The following ZNF540 variants were observed in gnomAD, a reference collection of about 807,000 sequenced individuals.
ZNF540 encodes CTD-3064H18.6.
A neutral mutation model predicts 11.8 loss-of-function variants in ZNF540; 3 were observed. The ratio of observed to expected loss-of-function variants is 0.25; its 90% CI spans 0.12 to 0.65. The LOEUF (loss-of-function observed/expected upper bound fraction) is 0.65, where lower values mean the gene tolerates loss of function less well. Among genes scored for constraint, ZNF540 ranks in the 30% least tolerant of loss-of-function variants. The pLI, the probability that ZNF540 is intolerant of heterozygous loss-of-function variation, is 0.83. For missense variants in ZNF540, 709 were observed against 793.1 expected (o/e 0.89, Z 1.27); for synonymous variants, 247 against 259.0 (o/e 0.95, Z 0.45).
chr19:37,551,582 A>G (rs192629467), exon 1 of ZNF540: 1 of 152,416 alleles, frequency 6.6e-6, no homozygotes, highest in Non-Finnish European at 1.5e-5. Context: ...CGTGATCCCT[A>G]TCGGATCTCC....
At chr19:37,588,336 G>A (rs557014059) in intron 1 of ZNF540, among the ~76,000 whole-genome samples, 1 of 152,060 alleles carries the variant, frequency 6.6e-6, no homozygotes, top group Admixed American at 6.6e-5. Flanking sequence ...AGAGAACAGA[G>A]ATTTCAAAAT....
At chr19:37,564,547 G>A (rs781452245) in intron 1 of ZNF540, 1 of 1,433,558 alleles carries the variant, frequency 7.0e-7, no homozygotes, top group Non-Finnish European at 9.2e-7. Context: ...ATTCATTATA[G>A]ATATGAAATA....
intron 1 of ZNF540, chr19:37,564,747 T>C (rs1164830069): frequency 9.9e-6 from 16 of 1,613,622 alleles, no homozygotes; most frequent in Non-Finnish European, 1.4e-5. Flanking sequence ...CCACATTCCT[T>C]ACATTCATAG....
chr19:37,613,852 T>C lies in ZNF540; in HGVS notation c.*589T>C, dbSNP rs2044151638. 2.5e-6 allele frequency: 1 copy of C among 398,450 alleles called. No homozygotes were observed. The highest frequency in any genetic ancestry group is 4.4e-5 in the Admixed American group (1 of 22,702). 24.7% of individuals were successfully genotyped at this position (398,450 alleles called of 1,614,324 possible). A position where few individuals can be genotyped will look rare whatever the true frequency, so the allele number is the denominator to read the frequency against. ...AAACACGAATCCCAAGGTGATGGTA[T>C]TTGAAGGTAGGGCCTTTAGGAGGAA... On this transcript the variant is annotated 3_prime_UTR_variant, in exon 5 of 5. Transcript: ENST00000316433.
At chr19:37,584,050 T>C in intron 1 of ZNF540, 1 of 1,614,124 alleles carries the variant, frequency 6.2e-7, no homozygotes. Flanking sequence ...GGCATTCCCA[T>C]TCCTCCTGAG....
intron 1 of ZNF540, among the ~76,000 whole-genome samples, chr19:37,589,516 G>A (rs924571987): frequency 1.3e-5 from 2 of 151,948 alleles, no homozygotes; most frequent in African/African-American, 2.4e-5. Flanking sequence ...CATTCAACAT[G>A]TAAAATGCTC....
At chr19:37,604,041 AGATAACTTTT>A (rs2044061640) in intron 4 of ZNF540, among the ~76,000 whole-genome samples, 1 of 86,532 alleles carries the variant, frequency 1.2e-5, no homozygotes, top group Non-Finnish European at 2.2e-5. Flanking sequence ...AAAAAGGATA[AGATAACTTTT>A]CTTTTTGCTC....
At position 37,565,193 on chromosome 19, in the gene ZNF540, A is replaced by G. The variant is rs1358390548; in HGVS notation, c.-73+13528A>G. On this transcript the variant is annotated intron_variant, in intron 1 of 4. Transcript: ENST00000592533. ...TTTGTAGGGCTTCTCTCCGGTATGA[A>G]TTCTTTGATGTTGAATAAGATTAGA... is the stretch of plus-strand genomic sequence containing the variant. The G allele has an allele frequency of 3.7e-6, 6 of 1,613,400 alleles. No homozygotes were observed. The African/African-American group carries it at 6.7e-5, about 18-fold the overall frequency.
At chr19:37,558,542 G>A (rs1052693838) in intron 1 of ZNF540, among the ~76,000 whole-genome samples, 2 of 152,064 alleles carry the variant, frequency 1.3e-5, no homozygotes, top group Admixed American at 6.6e-5. Context: ...TAATACCTGC[G>A]AGGAGATACC....
intron 1 of ZNF540, among the ~76,000 whole-genome samples, chr19:37,552,314 TC>T (rs1314288898): frequency 1.3e-5 from 2 of 152,234 alleles, no homozygotes; most frequent in Non-Finnish European, 2.9e-5. Flanking sequence ...TTGCTAAAGT[TC>T]TTTGTATAAG....
intron 1 of ZNF540, among the ~76,000 whole-genome samples, chr19:37,553,658 T>C (rs1015619115): frequency 1.3e-4 from 20 of 152,216 alleles, no homozygotes; most frequent in Non-Finnish European, 2.5e-4. Context: ...GAGTGCTTTT[T>C]TTCCTAGAGG....
At chr19:37,586,649 G>GA in intron 1 of ZNF540, 2 of 1,613,848 alleles carry the variant, frequency 1.2e-6, no homozygotes, top group Non-Finnish European at 1.7e-6. Context: ...CTTCAAGAAG[G>GA]AAAGAAACAG....
Position 37,557,718 on chromosome 19 carries a change from A to G in ZNF540, c.-73+6053A>G, listed in dbSNP as rs569153617. On this transcript the variant is annotated intron_variant, in intron 1 of 4. Transcript: ENST00000592533. ...GATTTAAACACCGTGTGGAAGAGAAAGTCAGTTTACTGATCTAACAGTAAA... is the reference window on the plus strand; with the variant it reads ...GATTTAAACACCGTGTGGAAGAGAAGGTCAGTTTACTGATCTAACAGTAAA... Among the ~76,000 whole-genome samples, 75 of 152,330 alleles carry G rather than the reference A, an allele frequency of 4.9e-4. 2 individuals carry two copies. In the South Asian group the frequency reaches 0.011, roughly 22 times the overall value.
rs1483158753 is a variant in ZNF540 at position 37,612,624 on chromosome 19, T to C, written c.1344T>C (p.Phe448=). Residue 448 remains phenylalanine (F), a synonymous_variant, in exon 5 of 5, where the codon TTT becomes TTC. Coordinates refer to ENST00000316433, the MANE Select transcript of ZNF540 (RefSeq NM_001172225.3). ...PYECKECGKA[F]MLRSVLTEHQ... The stretch of plus-strand genomic sequence containing the variant: ...AATGTAAGGAATGCGGGAAAGCCTT[T>C]ATGCTTCGTTCAGTCCTTACTGAAC... 2 of 1,614,124 alleles carry C rather than the reference T, an allele frequency of 1.2e-6. No individual in the cohort carries two copies. The highest frequency in any genetic ancestry group is 2.2e-5 in the East Asian group (1 of 44,880).
At chr19:37,592,746 A>C (rs2043903627), upstream of ZNF540, among the ~76,000 whole-genome samples, 1 of 152,248 alleles carries the variant, frequency 6.6e-6, no homozygotes, top group East Asian at 1.9e-4. Flanking sequence ...AAACCTCTAG[A>C]TCTAACTGCC....
At chr19:37,606,051 C>A (rs760597422) in intron 4 of ZNF540, among the ~76,000 whole-genome samples, 1 of 152,180 alleles carries the variant, frequency 6.6e-6, no homozygotes, top group Non-Finnish European at 1.5e-5. Context: ...ACCCCCAAAA[C>A]TTCCCTTGTG....
At chr19:37,591,764 A>C (rs2043874932), upstream of ZNF540, among the ~76,000 whole-genome samples, 1 of 151,882 alleles carries the variant, frequency 6.6e-6, no homozygotes, top group Non-Finnish European at 1.5e-5. Flanking sequence ...GGCTGGCCTC[A>C]AACTCCCGAC....
chr19:37,594,503 G>A (rs2043959946), upstream of ZNF540: 1 of 152,172 alleles, frequency 6.6e-6, no homozygotes, highest in Admixed American at 6.5e-5. Flanking sequence ...ATTCGGTGCG[G>A]AGGAACACAA....
At chr19:37,604,629 T>C (rs1370396302) in intron 4 of ZNF540, among the ~76,000 whole-genome samples, 1 of 152,098 alleles carries the variant, frequency 6.6e-6, no homozygotes, top group African/African-American at 2.4e-5. Flanking sequence ...TTTTTTCAAA[T>C]CAGCTTTATT....
Sources: gnomAD v4.1 joint callset for allele counts (sites outside exome capture counted in the v4.1 genomes callset) on GRCh38, gnomAD v4.1.1 for gene constraint, MANE v1.5 for transcripts, NCBI Gene and HGNC (gene_info 2026-07-23, HGNC 2026-07-21) for gene names.